The following TCEANC2 variants were observed in gnomAD, a reference collection of about 807,000 sequenced individuals.
The protein encoded by TCEANC2 is transcription elongation factor A N-terminal and central domain containing 2.
A neutral mutation model predicts 22.8 loss-of-function variants in TCEANC2; 20 were observed. The observed-to-expected ratio is 0.88, with a 90% CI of 0.62 to 1.28. The LOEUF (loss-of-function observed/expected upper bound fraction) is 1.28, where lower values mean the gene tolerates loss of function less well. Ranked by LOEUF, TCEANC2 falls within the 50% of genes most tolerant of loss-of-function variation. The pLI is 0.00. For synonymous variants in TCEANC2, 84 were observed against 95.5 expected, an observed-to-expected ratio of 0.88 and a Z score of 0.70; for missense variants, 251 against 249.7, an observed-to-expected ratio of 1.01 and a Z score of -0.03.
rs1658673857 is a variant in TCEANC2, at chr1:54,102,176, G to A, written c.*5703G>A. On this transcript the variant is annotated 3_prime_UTR_variant, in exon 5 of 5. Coordinates refer to ENST00000234827, the MANE Select transcript of TCEANC2 (RefSeq NM_153035.3). Reference sequence around the variant, plus strand: ...ACACAGAAAGTTGTGTTTTGATTGGGGCCCAGAGCAGGAAAGGGCTCAGCA... The same window carrying A: ...ACACAGAAAGTTGTGTTTTGATTGGAGCCCAGAGCAGGAAAGGGCTCAGCA... The A allele has an allele frequency of 6.6e-6, 1 of 152,178 alleles. No individual in the cohort carries two copies. Among genetic ancestry groups the A allele is most frequent in the Non-Finnish European group, 1.5e-5 (1 of 68,078 alleles). 9.4% of individuals were successfully genotyped at this position (152,178 alleles called of 1,614,324 possible). A position where few individuals can be genotyped will look rare whatever the true frequency, so the allele number is the denominator to read the frequency against.
rs577657801 is a variant in TCEANC2 at position 54,054,269 on chromosome 1, G to T, written c.-42-112G>T. On this transcript the variant is annotated intron_variant, in intron 1 of 4. Coordinates refer to ENST00000234827, the MANE Select transcript of TCEANC2 (RefSeq NM_153035.3). ...ATCTTACTTCCTGTCAATTCCACTC[G>T]AGGCCCCATAATTCATGAATTCTTC... 174 of 1,447,580 alleles carry T rather than the reference G, an allele frequency of 1.2e-4. No homozygotes were observed. The African/African-American group carries it at 1.5e-3, about 13-fold the overall frequency. 89.7% of individuals were successfully genotyped at this position (1,447,580 alleles called of 1,614,324 possible).
Position 54,097,108 on chromosome 1 carries a change from C to T in TCEANC2, c.*635C>T, listed in dbSNP as rs878876157. The T allele has an allele frequency of 2.3e-6, 1 of 432,174 alleles. No homozygotes were observed. Among genetic ancestry groups the T allele is most frequent in the South Asian group, 9.7e-5 (1 of 10,314 alleles). 26.8% of individuals were successfully genotyped at this position (432,174 alleles called of 1,614,324 possible). A position where few individuals can be genotyped will look rare whatever the true frequency, so the allele number is the denominator to read the frequency against. On this transcript the variant is annotated 3_prime_UTR_variant, in exon 5 of 5. Coordinates refer to ENST00000234827, the MANE Select transcript of TCEANC2 (RefSeq NM_153035.3). Reference sequence around the variant, plus strand: ...AACTGGCCCGAAGCCTCCCACACCTCAGGGTTTATTTGAATACGCTGGCGC... The same window carrying T: ...AACTGGCCCGAAGCCTCCCACACCTTAGGGTTTATTTGAATACGCTGGCGC...
chr1:54,093,997 C>A (rs1448043204), intron 4 of TCEANC2, among the ~76,000 whole-genome samples: 1 of 152,160 alleles, frequency 6.6e-6, no homozygotes, highest in East Asian at 1.9e-4. Flanking sequence ...TGGTGCCAGG[C>A]CTGCCTCAGG....
downstream of TCEANC2, among the ~76,000 whole-genome samples, chr1:54,109,938 G>C (rs982190427): frequency 6.6e-6 from 1 of 152,230 alleles, no homozygotes; most frequent in African/African-American, 2.4e-5. Flanking sequence ...GCATGGAGAT[G>C]ACTTGAGGCC....
At chr1:54,055,571 C>G (rs1657737892) in intron 2 of TCEANC2, among the ~76,000 whole-genome samples, 1 of 152,184 alleles carries the variant, frequency 6.6e-6, no homozygotes, top group South Asian at 2.1e-4. Flanking sequence ...TGACATTATC[C>G]ATTCTTTAGG....
intron 3 of TCEANC2, among the ~76,000 whole-genome samples, chr1:54,084,131 G>A (rs1658295093): frequency 6.6e-6 from 1 of 151,776 alleles, no homozygotes; most frequent in African/African-American, 2.4e-5. Flanking sequence ...TCATGCCTCA[G>A]CCTCCTGAGT....
intron 4 of TCEANC2, among the ~76,000 whole-genome samples, chr1:54,093,948 A>G (rs1658495347): frequency 6.6e-6 from 1 of 152,194 alleles, no homozygotes; most frequent in African/African-American, 2.4e-5. Context: ...CAAATGCTGG[A>G]TAGCCAGCTA....
intron 3 of TCEANC2, among the ~76,000 whole-genome samples, chr1:54,084,987 C>T (rs1314057482): frequency 1.3e-5 from 2 of 152,230 alleles, no homozygotes; most frequent in Middle Eastern, 3.4e-3. Flanking sequence ...TCCTAAGCAT[C>T]GCTAGCTAGG....
rs758228631 is a variant in TCEANC2, at chr1:54,096,410, C to T, written c.564C>T (p.Ile188=). 6.2e-7 allele frequency: 1 copy of T among 1,613,570 alleles called. No individual in the cohort carries two copies. The highest frequency in any genetic ancestry group is 8.5e-7 in the Non-Finnish European group (1 of 1,179,434). Reference sequence around the variant, plus strand: ...TCACATTAAAGCACCGAGCTGAAATCCGGGCTCAGGTGAAGAGCGGCTCGC... The same window carrying T: ...TCACATTAAAGCACCGAGCTGAAATTCGGGCTCAGGTGAAGAGCGGCTCGC... ...LVFTLKHRAE[I]RAQVKSGSLP... The change falls in exon 5 of 5, where the codon ATC becomes ATT. Residue 188 remains isoleucine, a synonymous_variant. Coordinates refer to ENST00000234827, the MANE Select transcript of TCEANC2 (RefSeq NM_153035.3). This position sits in a 1 kb window ranked among gnomAD's most constrained non-coding sequence, Gnocchi z 4.9.
At chr1:54,094,129 A>T (rs1432259389) in intron 4 of TCEANC2, among the ~76,000 whole-genome samples, 1 of 152,182 alleles carries the variant, frequency 6.6e-6, no homozygotes, top group Non-Finnish European at 1.5e-5. Flanking sequence ...TGTCATTAGG[A>T]CCACAAACTT....
intron 2 of TCEANC2, among the ~76,000 whole-genome samples, chr1:54,063,176 A>G (rs1196284482): frequency 6.6e-6 from 1 of 152,164 alleles, no homozygotes; most frequent in Non-Finnish European, 1.5e-5. Context: ...GGCTAATGTG[A>G]TGTGGGGAGC....
chr1:54,073,905 T>C (rs1570005289), intron 3 of TCEANC2, among the ~76,000 whole-genome samples: 1 of 152,160 alleles, frequency 6.6e-6, no homozygotes, highest in East Asian at 1.9e-4. Context: ...TGATTGGATG[T>C]TGGGAATGAA....
intron 3 of TCEANC2, among the ~76,000 whole-genome samples, chr1:54,080,387 C>G (rs1020887381): frequency 1.3e-5 from 2 of 152,034 alleles, no homozygotes; most frequent in African/African-American, 2.4e-5. Context: ...CATGTGATCT[C>G]CCCACCTCAG....
chr1:54,087,833 C>G (rs1370442024), intron 3 of TCEANC2, among the ~76,000 whole-genome samples: 1 of 152,206 alleles, frequency 6.6e-6, no homozygotes, highest in Admixed American at 6.5e-5. Flanking sequence ...TAGAATGTCC[C>G]ACATTCAGAA....
chr1:54,070,081 C>A (rs1658028311), intron 3 of TCEANC2, among the ~76,000 whole-genome samples: 1 of 152,150 alleles, frequency 6.6e-6, no homozygotes, highest in Non-Finnish European at 1.5e-5. Context: ...AAGAGCTGTG[C>A]AAAATCCCCA....
At chr1:54,089,990 A>G (rs1435263108) in intron 4 of TCEANC2, 1 of 687,406 alleles carries the variant, frequency 1.5e-6, no homozygotes, top group Non-Finnish European at 2.7e-6. Context: ...TAGCTAGTGG[A>G]ACCACTTTCT....
intron 4 of TCEANC2, among the ~76,000 whole-genome samples, chr1:54,091,359 T>C (rs1245552261): frequency 6.6e-6 from 1 of 152,154 alleles, no homozygotes; most frequent in African/African-American, 2.4e-5. Flanking sequence ...CAATGTTGAG[T>C]GCGTTCAAAT....
Position 54,102,756 on chromosome 1 carries a change from TTAGA to T in TCEANC2, c.*6287_*6290del, listed in dbSNP as rs1301822171. The T allele has an allele frequency of 6.6e-6, 1 of 152,228 alleles. No individual in the cohort carries two copies. Among genetic ancestry groups the T allele is most frequent in the Non-Finnish European group, 1.5e-5 (1 of 68,066 alleles). The allele number at this position is 152,228 out of a possible 1,614,324, so 9.4% of individuals were successfully genotyped here. A position where few individuals can be genotyped will look rare whatever the true frequency, so the allele number is the denominator to read the frequency against. On this transcript the variant is annotated 3_prime_UTR_variant, in exon 5 of 5. Transcript: ENST00000234827. ...AGAGAAAAAAAGCCATGCCTTATCCTTAGATAGGTCAGCTCAGTGTGTGTGAGCA... is the reference window on the plus strand; with the variant it reads ...AGAGAAAAAAAGCCATGCCTTATCCTTAGGTCAGCTCAGTGTGTGTGAGCA...
At chr1:54,056,294 ATTCTT>A (rs199706594) in intron 2 of TCEANC2, among the ~76,000 whole-genome samples, 171 of 151,398 alleles carry the variant, frequency 1.1e-3, no homozygotes, top group Middle Eastern at 3.4e-3. Context: ...AAACACCCAT[ATTCTT>A]TTCTTTTCTT....
Sources: gnomAD v4.1 joint callset for allele counts (sites outside exome capture counted in the v4.1 genomes callset) on GRCh38, gnomAD v4.1.1 for gene constraint, Gnocchi (gnomAD v3.1) non-coding constraint, MANE v1.5 for transcripts, NCBI Gene and HGNC (gene_info 2026-07-23, HGNC 2026-07-21) for gene names.